GKN2: variants seen among roughly 807,000 people sequenced by gnomAD.
GKN2 encodes gastrokine-2.
A neutral mutation model predicts 22.7 loss-of-function variants in GKN2; 17 were observed. That is an observed-to-expected ratio of 0.75 (90% CI 0.51 to 1.13). The LOEUF (loss-of-function observed/expected upper bound fraction) is 1.13. Ranked by LOEUF, GKN2 falls within the 50% of genes most tolerant of loss-of-function variation. The probability of loss-of-function intolerance (pLI) is 0.00; values close to 1 mark genes in which losing one functional copy is unlikely to be tolerated. For missense variants in GKN2, 248 were observed against 221.4 expected (o/e 1.12, Z -0.76); for synonymous variants, 82 against 79.6 (o/e 1.03, Z -0.16).
chr2:68,948,444 G>A (rs1206567072), intron 3 of GKN2, among the ~76,000 whole-genome samples: 2 of 152,130 alleles, frequency 1.3e-5, no homozygotes, highest in Non-Finnish European at 2.9e-5. Context: ...GCTGCAGAAA[G>A]TTCTGTTAGA....
intron 1 of GKN2, 104 bp downstream of exon 1, chr2:68,952,746 C>T (rs1669876622): frequency 3.7e-6 from 4 of 1,092,876 alleles, no homozygotes; most frequent in African/African-American, 1.6e-5. Context: ...TAGAAGCATG[C>T]ACAGTATCTG....
chr2:68,946,154 T>G (rs1404839721), intron 5 of GKN2, 150 bp downstream of exon 5: 1 of 596,052 alleles, frequency 1.7e-6, no homozygotes, highest in East Asian at 2.9e-5. Flanking sequence ...TTAGCACAAT[T>G]TACACACATG....
intron 2 of GKN2, 151 bp downstream of exon 2, chr2:68,950,551 T>C: frequency 1.4e-6 from 1 of 726,604 alleles, no homozygotes; most frequent in Non-Finnish European, 2.3e-6. Flanking sequence ...TGGAGAGGAA[T>C]AGCCAAGCTC....
At chr2:68,950,865 G>A in intron 1 of GKN2, 110 bp from the exon 2 acceptor site, 1 of 1,069,676 alleles carries the variant, frequency 9.3e-7, no homozygotes, top group East Asian at 2.5e-5. Context: ...TGTACACCTA[G>A]AGACACTGAG....
chr2:68,948,022 G>C (rs1471681738), intron 3 of GKN2, among the ~76,000 whole-genome samples: 1 of 152,104 alleles, frequency 6.6e-6, no homozygotes, highest in Non-Finnish European at 1.5e-5. Context: ...GAGAAGGGCA[G>C]ATCACAAGGT....
rs540805907 is a variant in GKN2 at position 68,951,918 on chromosome 2, G to T, written c.12+932C>A. 1.7e-4 allele frequency among the ~76,000 whole-genome samples: 26 copies of T among 152,376 alleles called. No homozygotes were observed. The South Asian group carries it at 5.2e-3, about 30-fold the overall frequency. ...CACCATGGTTATATAATACTTTTGTGCTTCAGGGTTAGGTCTCAATTTGGA... is the reference window on the plus strand; with the variant it reads ...CACCATGGTTATATAATACTTTTGTTCTTCAGGGTTAGGTCTCAATTTGGA... On this transcript the variant is annotated intron_variant, in intron 1 of 5. Transcript: ENST00000328895.
rs570989394 is a variant in GKN2 at position 68,952,778 on chromosome 2, G to T, written c.12+72C>A. 12 of 1,511,466 alleles carry T rather than the reference G, an allele frequency of 7.9e-6. No homozygotes were observed. In the Admixed American group the frequency reaches 1.2e-4, roughly 15 times the overall value. The allele number at this position is 1,511,466 out of a possible 1,614,324, so 93.6% of individuals were successfully genotyped here. Reference sequence around the variant, plus strand: ...TCTGTCTAAGACTCCCAAAATCCATGGCATATTAGATATGAGCATTGTCTG... The same window carrying T: ...TCTGTCTAAGACTCCCAAAATCCATTGCATATTAGATATGAGCATTGTCTG... On this transcript the variant is annotated intron_variant, in intron 1 of 5. Transcript: ENST00000328895.
In GKN2 at chr2:68,951,926, G is replaced by T. The variant is rs748363745; in HGVS notation, c.12+924C>A. On this transcript the variant is annotated intron_variant, in intron 1 of 5. Coordinates refer to ENST00000328895, the MANE Select transcript of GKN2 (RefSeq NM_182536.3). The stretch of plus-strand genomic sequence containing the variant: ...TTATATAATACTTTTGTGCTTCAGG[G>T]TTAGGTCTCAATTTGGAAAATCAAG... Among the ~76,000 whole-genome samples, 37 of 152,312 alleles carry T rather than the reference G, an allele frequency of 2.4e-4. 1 individual carries two copies. The highest frequency in any genetic ancestry group is 6.8e-3 in the Middle Eastern group (2 of 294).
Position 68,945,311 on chromosome 2 carries a change from T to G in GKN2, c.*57A>C, listed in dbSNP as rs1669747752. On this transcript the variant is annotated 3_prime_UTR_variant, in exon 6 of 6. Transcript: ENST00000328895. ...TTGGGAAAGAATTTAATTTGACTTT[T>G]GAGTGTAAACCAAGGATGTATTTCT... 7.9e-7 allele frequency: 1 copy of G among 1,263,388 alleles called. No individual in the cohort carries two copies. Among genetic ancestry groups the G allele is most frequent in the Non-Finnish European group, 1.1e-6 (1 of 895,406 alleles). 78.3% of individuals were successfully genotyped at this position (1,263,388 alleles called of 1,614,324 possible).
At chr2:68,945,711 T>G (rs1406193773) in intron 5 of GKN2, 7 of 312,942 alleles carry the variant, frequency 2.2e-5, no homozygotes, top group Admixed American at 8.4e-5. Flanking sequence ...TCCAGTACTC[T>G]GAGAAATTTC....
intron 1 of GKN2, 50 bp downstream of exon 1, chr2:68,952,800 T>G (rs780076241): frequency 1.2e-6 from 2 of 1,600,600 alleles, no homozygotes; most frequent in South Asian, 2.2e-5. Context: ...ATGAGCATTG[T>G]CTGCAAGCAG....
At chr2:68,949,275 T>C (rs1669819056) in intron 3 of GKN2, among the ~76,000 whole-genome samples, 1 of 152,194 alleles carries the variant, frequency 6.6e-6, no homozygotes, top group Non-Finnish European at 1.5e-5. Context: ...GTGCTTTTAG[T>C]TAGCAGATTT....
intron 3 of GKN2, among the ~76,000 whole-genome samples, chr2:68,949,293 T>C (rs959643634): frequency 6.6e-6 from 1 of 152,182 alleles, no homozygotes; most frequent in Non-Finnish European, 1.5e-5. Flanking sequence ...TTTTCTTTCT[T>C]ACAGAAAAAG....
intron 5 of GKN2, chr2:68,945,970 C>T (rs1669759420): frequency 5.6e-6 from 2 of 357,114 alleles, no homozygotes; most frequent in Admixed American, 4.4e-5. Context: ...ATTCTAAGGG[C>T]CCAGATGACT....
chr2:68,946,574 G>A (rs1669768875), intron 4 of GKN2, 114 bp from the exon 5 acceptor site: 2 of 818,990 alleles, frequency 2.4e-6, no homozygotes, highest in Admixed American at 3.0e-5. Context: ...AAAGAACTTA[G>A]GGATCTCAAG....
intron 1 of GKN2, among the ~76,000 whole-genome samples, chr2:68,951,573 G>A (rs1436315317): frequency 6.6e-6 from 1 of 152,172 alleles, no homozygotes; most frequent in East Asian, 1.9e-4. Context: ...GGGGAAGGGG[G>A]ATATTTTTAA....
chr2:68,946,132 TATTCCTA>T (rs1669761281), intron 5 of GKN2, 165 bp downstream of exon 5: 1 of 514,790 alleles, frequency 1.9e-6, no homozygotes, highest in African/African-American at 1.9e-5. Flanking sequence ...TTCATTTCTG[TATTCCTA>T]AAATTTAGCA....
Position 68,950,125 on chromosome 2 carries a change from C to T in GKN2, c.204+1G>A. 1.2e-6 allele frequency: 2 copies of T among 1,612,366 alleles called. No individual in the cohort carries two copies. Among genetic ancestry groups the T allele is most frequent in the Non-Finnish European group, 1.7e-6 (2 of 1,179,394 alleles). On this transcript the variant is annotated splice_donor_variant, in intron 3 of 5. Coordinates refer to ENST00000328895, the MANE Select transcript of GKN2 (RefSeq NM_182536.3). LOFTEE classifies it high-confidence loss of function. ...AATATGAAAATTCATTTGCTGCTTA[C>T]ATGTTTATAGTCAAAAATTGTGGTA...
intron 1 of GKN2, 26 bp from the exon 2 acceptor site, chr2:68,950,781 T>C: frequency 1.2e-6 from 2 of 1,612,170 alleles, no homozygotes; most frequent in South Asian, 1.1e-5. Flanking sequence ...ACCACATCCA[T>C]TCTTTATAGG....
Sources: allele counts gnomAD v4.1 joint callset (sites outside exome capture counted in the v4.1 genomes callset), GRCh38; gene constraint gnomAD v4.1.1; transcripts MANE v1.5; gene names NCBI Gene and HGNC (gene_info 2026-07-23, HGNC 2026-07-21).